The following MAP7D1 variants were observed in gnomAD, a reference collection of about 807,000 sequenced individuals.
MAP7D1 encodes MAP7 domain-containing protein 1.
Under a neutral mutation model 97.5 loss-of-function variants are expected in MAP7D1, and 30 were observed. The ratio of observed to expected loss-of-function variants is 0.31; its 90% CI spans 0.23 to 0.42. MAP7D1 has a LOEUF of 0.42. Ranked by LOEUF, MAP7D1 falls within the 10% of genes least tolerant of loss-of-function variation. The probability of loss-of-function intolerance (pLI) is 1.00; values close to 1 mark genes in which losing one functional copy is unlikely to be tolerated. For synonymous variants in MAP7D1, 536 were observed against 477.1 expected, an observed-to-expected ratio of 1.12 and a Z score of -1.61; for missense variants, 1,184 against 1,179.5, an observed-to-expected ratio of 1.00 and a Z score of -0.06.
In MAP7D1 at chr1:36,179,495, G is replaced by C; in HGVS notation, c.2185-20G>C. ...GGCCGGCTGTCCCTTGAGCCTGACT[G>C]CTCTTCCTCTTCAAAGCAGAAGCAG... On this transcript the variant is annotated intron_variant, in intron 13 of 16. Transcript: ENST00000474796. 6.3e-7 allele frequency: 1 copy of C among 1,580,418 alleles called. No individual in the cohort carries two copies. The highest frequency in any genetic ancestry group is 8.6e-7 in the Non-Finnish European group (1 of 1,162,512).
In MAP7D1 at chr1:36,178,997, A is replaced by T; in HGVS notation, c.2102A>T (p.Gln701Leu). Residue 701 changes from glutamine to leucine, a missense_variant, in exon 12 of 17, where the codon CAG becomes CTG. Physicochemically the swap from Gln to Leu is moderately radical, Grantham distance 113. Transcript: ENST00000474796. Reference protein sequence around the residue: ...RLEREKHFQQQEQERQERRKR... With the variant: ...RLEREKHFQQLEQERQERRKR... ...GAGCGGGAAAAGCACTTCCAGCAGCAGGAGCAAGAGCGGCAAGAGCGCAGA... is the reference window on the plus strand; with the variant it reads ...GAGCGGGAAAAGCACTTCCAGCAGCTGGAGCAAGAGCGGCAAGAGCGCAGA... The T allele has an allele frequency of 6.7e-7, 1 of 1,489,298 alleles. No individual in the cohort carries two copies. The allele number at this position is 1,489,298 out of a possible 1,614,324, so 92.3% of individuals were successfully genotyped here. A position where few individuals can be genotyped will look rare whatever the true frequency, so the allele number is the denominator to read the frequency against.
Position 36,176,510 on chromosome 1 carries a change from C to T in MAP7D1, c.1162C>T (p.Arg388Cys). ...SVHRCAPAGE[R>C]GERRKPNAGG... The stretch of plus-strand genomic sequence containing the variant: ...GCACCGCTGCGCCCCCGCCGGTGAG[C>T]GCGGGGAGCGCCGCAAGCCCAACGC... The change falls in exon 7 of 17, where the codon CGC becomes TGC. Residue 388 changes from arginine (R) to cysteine (C), a missense_variant. By Grantham distance (180) the Arg-to-Cys change is radical. Transcript: ENST00000474796. This position sits in a 1 kb window ranked among gnomAD's most constrained non-coding sequence, Gnocchi z 6.1. 1 of 1,374,374 alleles carries T rather than the reference C, an allele frequency of 7.3e-7. No individual in the cohort carries two copies. Among genetic ancestry groups the T allele is most frequent in the Non-Finnish European group, 9.4e-7 (1 of 1,065,522 alleles). 85.1% of individuals were successfully genotyped at this position (1,374,374 alleles called of 1,614,324 possible).
In MAP7D1 at chr1:36,180,448, G is replaced by A. The variant is rs145904903; in HGVS notation, c.*190G>A. 2.5e-3 allele frequency: 1,761 copies of A among 713,756 alleles called. 11 individuals carry two copies. Among genetic ancestry groups the A allele is most frequent in the Non-Finnish European group, 2.7e-3 (1,131 of 411,598 alleles). The allele number at this position is 713,756 out of a possible 1,614,324, so 44.2% of individuals were successfully genotyped here. On this transcript the variant is annotated 3_prime_UTR_variant, in exon 17 of 17. Transcript: ENST00000474796. ...TGGCCGGAGCCAGATCTGCCCCTCA[G>A]TGCATTCGTGTGCTCGCACGCGCAG...
chr1:36,176,903 A>G lies in MAP7D1; in HGVS notation c.1379+61A>G. On this transcript the variant is annotated intron_variant, in intron 8 of 16. Coordinates refer to ENST00000474796, the MANE Select transcript of MAP7D1 (RefSeq NM_001388490.1). This position sits in a 1 kb window ranked among gnomAD's most constrained non-coding sequence, Gnocchi z 6.1. Reference sequence around the variant, plus strand: ...CCGGGTCATTTATTCATCACCCACAAATATTTGTTGGGCAACCACCTCTAG... The same window carrying G: ...CCGGGTCATTTATTCATCACCCACAGATATTTGTTGGGCAACCACCTCTAG... 2.1e-6 allele frequency: 3 copies of G among 1,421,102 alleles called. No homozygotes were observed. Among genetic ancestry groups the G allele is most frequent in the Non-Finnish European group, 2.9e-6 (3 of 1,039,440 alleles). The allele number at this position is 1,421,102 out of a possible 1,614,324, so 88.0% of individuals were successfully genotyped here.
In MAP7D1 at chr1:36,180,381, C is replaced by T. The variant is rs1024352667; in HGVS notation, c.*123C>T. 7.2e-7 allele frequency: 1 copy of T among 1,391,240 alleles called. No individual in the cohort carries two copies. Among genetic ancestry groups the T allele is most frequent in the Non-Finnish European group, 1.0e-6 (1 of 979,716 alleles). 86.2% of individuals were successfully genotyped at this position (1,391,240 alleles called of 1,614,324 possible). On this transcript the variant is annotated 3_prime_UTR_variant, in exon 17 of 17. Transcript: ENST00000474796. ...GCCTGGGCCCCTGGGGGTGGGTCCT[C>T]TCTGTTGTTTTTAATCTGCACCTTA...
In MAP7D1 at chr1:36,175,960, G is replaced by A. The variant is rs368320597; in HGVS notation, c.851-239G>A. Among the ~76,000 whole-genome samples, 8 of 152,346 alleles carry A rather than the reference G, an allele frequency of 5.3e-5. No homozygotes were observed. The East Asian group carries it at 1.5e-3, about 29-fold the overall frequency. On this transcript the variant is annotated intron_variant, in intron 6 of 16. Transcript: ENST00000474796. ...GCCCCTTCACCTGGGGAGCGTTGTAGGCGGGGACCCTCATCCGATGCAGGA... is the reference window on the plus strand; with the variant it reads ...GCCCCTTCACCTGGGGAGCGTTGTAAGCGGGGACCCTCATCCGATGCAGGA...
rs1231430986 is a variant in MAP7D1, at chr1:36,159,565, A to G, written c.46+3102A>G. Among the ~76,000 whole-genome samples the G allele has an allele frequency of 6.6e-6, 1 of 152,156 alleles. No homozygotes were observed. Among genetic ancestry groups the G allele is most frequent in the Non-Finnish European group, 1.5e-5 (1 of 68,034 alleles). On this transcript the variant is annotated intron_variant, in intron 1 of 16. Coordinates refer to ENST00000474796, the MANE Select transcript of MAP7D1 (RefSeq NM_001388490.1). This position sits in a 1 kb window ranked among gnomAD's most constrained non-coding sequence, Gnocchi z 5.4. ...AGAGAAGACCCAAGAAACAGGTGCA[A>G]CCGGCTATCCAGCACACCCATGCTG...
chr1:36,168,313 C>A (rs1644498329), intron 1 of MAP7D1, among the ~76,000 whole-genome samples: 1 of 136,140 alleles, frequency 7.3e-6, no homozygotes, highest in South Asian at 2.3e-4. Context: ...AAAAAAAAAG[C>A]CCAACTCTGC....
chr1:36,157,302 A>G (rs7521145), intron 1 of MAP7D1: 88,462 of 152,192 alleles, frequency 0.58, 26,971 homozygotes, highest in Non-Finnish European at 0.68. Flanking sequence ...TAAAGGCTCC[A>G]AGCCGGCACT....
At chr1:36,163,785 TATAAGTTGCCACATAGATATATA>T (rs2124208534) in intron 1 of MAP7D1, among the ~76,000 whole-genome samples, 1 of 151,462 alleles carries the variant, frequency 6.6e-6, no homozygotes, top group East Asian at 1.9e-4. Context: ...ATCTTTTTGC[TATAAGTTGCCACATAGATATATA>T]CTTTTTTTCT....
intron 16 of MAP7D1, 87 bp from the exon 17 acceptor site, chr1:36,180,161 C>G: frequency 6.2e-7 from 1 of 1,609,422 alleles, no homozygotes; most frequent in South Asian, 1.1e-5. Flanking sequence ...CTGCCAGGCA[C>G]CCTCTCCTGC....
At chr1:36,157,858 T>A (rs768418885) in intron 1 of MAP7D1, among the ~76,000 whole-genome samples, 7 of 152,096 alleles carry the variant, frequency 4.6e-5, no homozygotes, top group Non-Finnish European at 7.4e-5. Flanking sequence ...ACTGGTGGGT[T>A]TCAGGAGGCT....
At chr1:36,163,867 G>A (rs1228736450) in intron 1 of MAP7D1, among the ~76,000 whole-genome samples, 9 of 119,894 alleles carry the variant, frequency 7.5e-5, no homozygotes, top group South Asian at 2.6e-4. Flanking sequence ...TGATTCTGTC[G>A]CCCAGGCTGG....
In MAP7D1 at chr1:36,176,653, C is replaced by T. The variant is rs754624147; in HGVS notation, c.1234-44C>T. On this transcript the variant is annotated intron_variant, in intron 7 of 16. Coordinates refer to ENST00000474796, the MANE Select transcript of MAP7D1 (RefSeq NM_001388490.1). This position sits in a 1 kb window ranked among gnomAD's most constrained non-coding sequence, Gnocchi z 6.1. ...AGCCTGGAACTGGGGTACGCGGGCG[C>T]TGCTGACCTCTACTCTCCTCTTCCG... 1 of 1,596,816 alleles carries T rather than the reference C, an allele frequency of 6.3e-7. No individual in the cohort carries two copies. The highest frequency in any genetic ancestry group is 1.1e-5 in the South Asian group (1 of 89,050).
At position 36,176,146 on chromosome 1, in the gene MAP7D1, C is replaced by G. The variant is rs930422818; in HGVS notation, c.851-53C>G. ...GCCTGGTCTGCTCCCTTGCCTCTTC[C>G]TGCCTCCTACGGCCCCCACGGTGAC... On this transcript the variant is annotated intron_variant, in intron 6 of 16. Transcript: ENST00000474796. The surrounding 1 kb of genome is among the most constrained non-coding windows in gnomAD (Gnocchi z 6.1). The G allele has an allele frequency of 1.7e-5, 27 of 1,585,136 alleles. No individual in the cohort carries two copies. The highest frequency in any genetic ancestry group is 2.3e-5 in the Non-Finnish European group (27 of 1,170,902).
intron 1 of MAP7D1, among the ~76,000 whole-genome samples, chr1:36,157,052 G>A (rs1217566282): frequency 6.6e-6 from 1 of 152,094 alleles, no homozygotes; most frequent in Non-Finnish European, 1.5e-5. Context: ...GGAGGAGAGA[G>A]GGAGGTCTCT....
chr1:36,156,518 C>A, intron 1 of MAP7D1, 55 bp downstream of exon 1: 1 of 1,341,604 alleles, frequency 7.5e-7, no homozygotes, highest in Admixed American at 3.8e-5. Flanking sequence ...GGCTGCAGGG[C>A]GGCCGAGGAT....
intron 1 of MAP7D1, chr1:36,157,387 C>G (rs1475772217): frequency 6.6e-6 from 1 of 152,272 alleles, no homozygotes; most frequent in East Asian, 1.9e-4. Flanking sequence ...TTCTCTCTTT[C>G]TGCCCACACC....
At position 36,159,685 on chromosome 1, in the gene MAP7D1, G is replaced by A. The variant is rs1230005291; in HGVS notation, c.46+3222G>A. Among the ~76,000 whole-genome samples, 1 of 152,342 alleles carries A rather than the reference G, an allele frequency of 6.6e-6. No homozygotes were observed. Among genetic ancestry groups the A allele is most frequent in the Middle Eastern group, 3.4e-3 (1 of 294 alleles). On this transcript the variant is annotated intron_variant, in intron 1 of 16. Transcript: ENST00000474796. The surrounding 1 kb of genome is among the most constrained non-coding windows in gnomAD (Gnocchi z 5.4). ...ACTCTTGGGGAGCTCTTAACGCGGCGAGGAAGGCAGATGTGTTCACTGCAG... is the reference window on the plus strand; with the variant it reads ...ACTCTTGGGGAGCTCTTAACGCGGCAAGGAAGGCAGATGTGTTCACTGCAG...
Sources: allele counts gnomAD v4.1 joint callset (sites outside exome capture counted in the v4.1 genomes callset), GRCh38; gene constraint gnomAD v4.1.1; non-coding constraint Gnocchi (gnomAD v3.1); transcripts MANE v1.5; gene names NCBI Gene and HGNC (gene_info 2026-07-23, HGNC 2026-07-21).